Variants in HS6ST3 observed in about 807,000 individuals in gnomAD.
HS6ST3 encodes the protein heparan sulfate 6-O-sulfotransferase 3.
In HS6ST3, 12 loss-of-function variants were observed where a neutral mutation model predicts 36.7. The observed-to-expected ratio is 0.33, with a 90% CI of 0.21 to 0.53. The LOEUF (loss-of-function observed/expected upper bound fraction) is 0.53, where lower values mean the gene tolerates loss of function less well. HS6ST3 is among the 20% of genes least tolerant of loss of function. The pLI is 0.95. For synonymous variants in HS6ST3, 240 were observed against 257.5 expected, an observed-to-expected ratio of 0.93 and a Z score of 0.65; for missense variants, 584 against 640.9, an observed-to-expected ratio of 0.91 and a Z score of 0.96.
At chr13:96,658,713 T>G (rs2056635956) in intron 1 of HS6ST3, among the ~76,000 whole-genome samples, 1 of 151,736 alleles carries the variant, frequency 6.6e-6, no homozygotes, top group South Asian at 2.1e-4. Context: ...TATTTTTTAT[T>G]TTTATTTTTG....
At chr13:96,362,957 G>A (rs1469268701) in intron 1 of HS6ST3, among the ~76,000 whole-genome samples, 1 of 152,136 alleles carries the variant, frequency 6.6e-6, no homozygotes, top group African/African-American at 2.4e-5. Context: ...AGACATTCTT[G>A]AAATTACAAA....
At chr13:96,770,216 A>G (rs9284173) in intron 1 of HS6ST3, among the ~76,000 whole-genome samples, 18,081 of 152,228 alleles carry the variant, frequency 0.12, 1,462 homozygotes, top group African/African-American at 0.23. Context: ...TTGGTTCTGA[A>G]TGTTGGCTTT....
chr13:96,347,053 C>CT (rs1461493345), intron 1 of HS6ST3, among the ~76,000 whole-genome samples: 1 of 152,168 alleles, frequency 6.6e-6, no homozygotes, highest in Non-Finnish European at 1.5e-5. Context: ...GGGCGCGGGT[C>CT]TTTCCTTGGT....
intron 1 of HS6ST3, among the ~76,000 whole-genome samples, chr13:96,742,827 T>C (rs978340421): frequency 1.3e-5 from 2 of 152,076 alleles, no homozygotes; most frequent in Admixed American, 6.6e-5. Flanking sequence ...CAGTATGAAA[T>C]TGCATCCTAT....
chr13:96,266,458 C>T (rs956348511), intron 1 of HS6ST3, among the ~76,000 whole-genome samples: 9 of 152,074 alleles, frequency 5.9e-5, no homozygotes, highest in Admixed American at 3.3e-4. Context: ...TTTGTTGTTC[C>T]CACTTTACAC....
At chr13:96,167,847 G>T (rs1048343872) in intron 1 of HS6ST3, among the ~76,000 whole-genome samples, 2 of 152,104 alleles carry the variant, frequency 1.3e-5, no homozygotes, top group African/African-American at 4.8e-5. Flanking sequence ...TAAAGATGTG[G>T]TATCTCTGAT....
At chr13:96,720,050 G>T (rs901133654) in intron 1 of HS6ST3, among the ~76,000 whole-genome samples, 3 of 152,074 alleles carry the variant, frequency 2.0e-5, no homozygotes, top group Admixed American at 2.0e-4. Flanking sequence ...CATCAGTTAT[G>T]TCTCATCTTT....
intron 1 of HS6ST3, among the ~76,000 whole-genome samples, chr13:96,367,993 G>A (rs973828614): frequency 1.3e-5 from 2 of 152,134 alleles, no homozygotes; most frequent in Non-Finnish European, 2.9e-5. Context: ...GTACGAAGTC[G>A]AAGAAAGTGC....
Position 96,090,768 on chromosome 13 carries a change from C to G in HS6ST3, c.-95C>G. 9.6e-7 allele frequency: 1 copy of G among 1,045,882 alleles called. No homozygotes were observed. The highest frequency in any genetic ancestry group is 1.2e-6 in the Non-Finnish European group (1 of 806,968). 64.8% of individuals were successfully genotyped at this position (1,045,882 alleles called of 1,614,324 possible). A position where few individuals can be genotyped will look rare whatever the true frequency, so the allele number is the denominator to read the frequency against. ...GCATGGAGGAACGGCGGGCTCCGAG[C>G]CGCGCCCCGGAGTCCGCGAAACTTC... On this transcript the variant is annotated 5_prime_UTR_variant, in exon 1 of 2. Coordinates refer to ENST00000376705, the MANE Select transcript of HS6ST3 (RefSeq NM_153456.4).
intron 1 of HS6ST3, among the ~76,000 whole-genome samples, chr13:96,381,402 G>GTATC (rs1278427681): frequency 3.1e-4 from 17 of 54,712 alleles, no homozygotes; most frequent in Admixed American, 3.0e-3. Flanking sequence ...ATGTATCTAT[G>GTATC]TATCTATGTA....
chr13:96,099,312 T>G (rs2139293899), intron 1 of HS6ST3, among the ~76,000 whole-genome samples: 1 of 152,290 alleles, frequency 6.6e-6, no homozygotes, highest in Middle Eastern at 3.4e-3. Context: ...AATTTGGAAC[T>G]TCTCCTCCTG....
At chr13:96,755,363 T>TTTTTG (rs1228001011) in intron 1 of HS6ST3, among the ~76,000 whole-genome samples, 14 of 148,870 alleles carry the variant, frequency 9.4e-5, no homozygotes, top group Admixed American at 4.6e-4. Context: ...TTTGTTTTTG[T>TTTTTG]TTTTGTTTTT....
chr13:96,416,661 A>AT (rs55827702), intron 1 of HS6ST3, among the ~76,000 whole-genome samples: 54,825 of 143,246 alleles, frequency 0.38, 10,609 homozygotes, highest in African/African-American at 0.47. Context: ...CTGTAAGTGT[A>AT]TTTTTTTTTT....
At chr13:96,434,515 G>A (rs1473521113) in intron 1 of HS6ST3, among the ~76,000 whole-genome samples, 1 of 152,148 alleles carries the variant, frequency 6.6e-6, no homozygotes, top group African/African-American at 2.4e-5. Context: ...TCCAAATACA[G>A]TTCAGGTTCA....
chr13:96,772,825 CT>C (rs751081011), intron 1 of HS6ST3, among the ~76,000 whole-genome samples: 1 of 152,060 alleles, frequency 6.6e-6, no homozygotes, highest in Admixed American at 6.5e-5. Context: ...TTTTGATTTT[CT>C]TTTTTGGGAA....
chr13:96,265,775 C>T (rs1219846976), intron 1 of HS6ST3, among the ~76,000 whole-genome samples: 1 of 152,036 alleles, frequency 6.6e-6, no homozygotes, highest in Non-Finnish European at 1.5e-5. Flanking sequence ...GAAGGTTACT[C>T]ATTTGGATGA....
intron 1 of HS6ST3, among the ~76,000 whole-genome samples, chr13:96,705,819 C>T (rs1875406121): frequency 6.6e-6 from 1 of 152,182 alleles, no homozygotes; most frequent in African/African-American, 2.4e-5. Flanking sequence ...CCACCCACCC[C>T]ACTGGCCTCT....
intron 1 of HS6ST3, among the ~76,000 whole-genome samples, chr13:96,367,822 T>C (rs1485640378): frequency 6.6e-6 from 1 of 152,200 alleles, no homozygotes; most frequent in Non-Finnish European, 1.5e-5. Context: ...GTAGGTTTTG[T>C]AACCTAATCT....
chr13:96,771,453 A>G (rs912431015), intron 1 of HS6ST3, among the ~76,000 whole-genome samples: 8 of 152,194 alleles, frequency 5.3e-5, no homozygotes, highest in African/African-American at 1.9e-4. Flanking sequence ...AAATAAAAGA[A>G]TACAGGGAAA....
Sources: gnomAD v4.1 joint callset for allele counts (sites outside exome capture counted in the v4.1 genomes callset) on GRCh38, gnomAD v4.1.1 for gene constraint, MANE v1.5 for transcripts, NCBI Gene and HGNC (gene_info 2026-07-23, HGNC 2026-07-21) for gene names.